Variants in AUTS2 observed in about 807,000 individuals in gnomAD.
AUTS2 encodes autism susceptibility gene 2 protein.
In AUTS2, 17 loss-of-function variants were observed where a neutral mutation model predicts 112.4. The observed-to-expected ratio is 0.15, with a 90% CI of 0.10 to 0.23. AUTS2 has a LOEUF of 0.23. Among genes scored for constraint, AUTS2 ranks in the 10% least tolerant of loss-of-function variants. AUTS2 has a pLI of 1.00. For synonymous variants in AUTS2, 751 were observed against 702.7 expected (o/e 1.07, Z -1.09); for missense variants, 1,510 against 1,701.6 (o/e 0.89, Z 1.98).
At chr7:70,099,467 T>C (rs1470223657) in intron 2 of AUTS2, among the ~76,000 whole-genome samples, 37 of 152,074 alleles carry the variant, frequency 2.4e-4, no homozygotes, top group Non-Finnish European at 5.9e-5. Context: ...TGGGGGTCAT[T>C]TTTTTGGCTT....
At chr7:70,029,517 A>T (rs1800680132) in intron 2 of AUTS2, among the ~76,000 whole-genome samples, 1 of 152,148 alleles carries the variant, frequency 6.6e-6, no homozygotes, top group Non-Finnish European at 1.5e-5. Context: ...TATCCAAAAG[A>T]TGCTTCTGCT....
At chr7:70,571,374 GGAACTTGATA>G (rs1801931817) in intron 5 of AUTS2, among the ~76,000 whole-genome samples, 1 of 152,182 alleles carries the variant, frequency 6.6e-6, no homozygotes, top group African/African-American at 2.4e-5. Flanking sequence ...GCAAATGGAA[GGAACTTGATA>G]GATGTTAATT....
rs535565138 is a variant in AUTS2 at position 69,650,956 on chromosome 7, C to T, written c.309+50994C>T. Among the ~76,000 whole-genome samples the T allele has an allele frequency of 5.8e-4, 88 of 152,348 alleles. 1 individual carries two copies. Among genetic ancestry groups the T allele is most frequent in the Non-Finnish European group, 8.8e-4 (60 of 68,032 alleles). On this transcript the variant is annotated intron_variant, in intron 1 of 18. Coordinates refer to ENST00000342771, the MANE Select transcript of AUTS2 (RefSeq NM_015570.4). Reference sequence around the variant, plus strand: ...TGTGCTTTGAGGGCCCGGATCTGCTCTTCCTCATCTTTATATTCCCTGCCC... The same window carrying T: ...TGTGCTTTGAGGGCCCGGATCTGCTTTTCCTCATCTTTATATTCCCTGCCC...
At chr7:70,176,835 G>A (rs1465222572) in intron 4 of AUTS2, among the ~76,000 whole-genome samples, 1 of 152,104 alleles carries the variant, frequency 6.6e-6, no homozygotes, top group Non-Finnish European at 1.5e-5. Flanking sequence ...TTTTCTCTCT[G>A]AATCAAGCAG....
At chr7:69,790,385 C>T (rs144674865) in intron 1 of AUTS2, among the ~76,000 whole-genome samples, 219 of 152,040 alleles carry the variant, frequency 1.4e-3, no homozygotes, top group African/African-American at 5.2e-3. Context: ...TGGAGGATAA[C>T]GGAAAGGGTG....
At chr7:70,400,278 T>C (rs10950200) in intron 4 of AUTS2, among the ~76,000 whole-genome samples, 14,569 of 152,180 alleles carry the variant, frequency 0.096, 788 homozygotes, top group Middle Eastern at 0.18. Context: ...AAGGAATAAG[T>C]GATAGAACAT....
chr7:69,962,085 G>A (rs891229076), intron 2 of AUTS2, among the ~76,000 whole-genome samples: 8 of 152,150 alleles, frequency 5.3e-5, no homozygotes, highest in African/African-American at 1.2e-4. Flanking sequence ...GGACACTGTA[G>A]AGAGGGGAAG....
At chr7:70,506,966 C>T (rs936376480) in intron 5 of AUTS2, among the ~76,000 whole-genome samples, 2 of 152,196 alleles carry the variant, frequency 1.3e-5, no homozygotes, top group Non-Finnish European at 2.9e-5. Flanking sequence ...GCTGTCCCAG[C>T]GCAGAGAGCT....
At chr7:70,674,819 T>C (rs1003677233) in intron 5 of AUTS2, among the ~76,000 whole-genome samples, 2 of 152,194 alleles carry the variant, frequency 1.3e-5, no homozygotes, top group Admixed American at 6.5e-5. Context: ...CCACAATGGA[T>C]TTCAGTGAGA....
intron 5 of AUTS2, among the ~76,000 whole-genome samples, chr7:70,472,959 G>C (rs879907466): frequency 6.6e-6 from 1 of 152,176 alleles, no homozygotes; most frequent in South Asian, 2.1e-4. Flanking sequence ...AGTAAACTTC[G>C]TTGGCTACAA....
intron 5 of AUTS2, among the ~76,000 whole-genome samples, chr7:70,502,629 A>G (rs1373255560): frequency 6.6e-6 from 1 of 152,196 alleles, no homozygotes; most frequent in East Asian, 1.9e-4. Flanking sequence ...TCCAGAGGTC[A>G]TGACTCCCAA....
chr7:69,895,529 T>C (rs1357159789), intron 1 of AUTS2, among the ~76,000 whole-genome samples: 1 of 148,806 alleles, frequency 6.7e-6, no homozygotes. Flanking sequence ...ACTTTGATCC[T>C]CTCTCTCTCT....
At chr7:70,125,391 G>C (rs1401001644) in intron 3 of AUTS2, among the ~76,000 whole-genome samples, 1 of 151,968 alleles carries the variant, frequency 6.6e-6, no homozygotes, top group South Asian at 2.1e-4. Flanking sequence ...AATGCCTAAC[G>C]TCTTACAAGG....
At position 69,691,857 on chromosome 7, in the gene AUTS2, AT is replaced by A. The variant is rs1395391268; in HGVS notation, c.309+91904del. Among the ~76,000 whole-genome samples the A allele has an allele frequency of 4.6e-5, 7 of 151,556 alleles. No homozygotes were observed. The East Asian group carries it at 9.7e-4, about 21-fold the overall frequency. On this transcript the variant is annotated intron_variant, in intron 1 of 18. Coordinates refer to ENST00000342771, the MANE Select transcript of AUTS2 (RefSeq NM_015570.4). Reference sequence around the variant, plus strand: ...GTGTTTTTTCCTGTAGGGAGGATAGATTTTTTTTTGTCTCTTACAGGTAGCA... The same window carrying A: ...GTGTTTTTTCCTGTAGGGAGGATAGATTTTTTTTGTCTCTTACAGGTAGCA...
At chr7:69,948,265 G>A (rs1796893252) in intron 2 of AUTS2, among the ~76,000 whole-genome samples, 2 of 152,130 alleles carry the variant, frequency 1.3e-5, no homozygotes, top group African/African-American at 4.8e-5. Context: ...ACTTCACACA[G>A]TGAATTGCAA....
chr7:70,231,310 A>G (rs1377077657), intron 4 of AUTS2, among the ~76,000 whole-genome samples: 2 of 152,230 alleles, frequency 1.3e-5, no homozygotes, highest in Non-Finnish European at 2.9e-5. Context: ...ATCACCACCC[A>G]GATTAAGATA....
intron 4 of AUTS2, among the ~76,000 whole-genome samples, chr7:70,272,178 A>C (rs922228223): frequency 6.6e-6 from 1 of 152,054 alleles, no homozygotes; most frequent in African/African-American, 2.4e-5. Flanking sequence ...AAGAGATAAA[A>C]TGAATTTTAT....
chr7:70,062,582 A>G (rs1802304345), intron 2 of AUTS2, among the ~76,000 whole-genome samples: 1 of 152,056 alleles, frequency 6.6e-6, no homozygotes, highest in Admixed American at 6.5e-5. Flanking sequence ...ACAAGTTGCA[A>G]TTTGATATCC....
intron 1 of AUTS2, among the ~76,000 whole-genome samples, chr7:69,780,052 C>G (rs1473587766): frequency 2.0e-5 from 3 of 152,012 alleles, no homozygotes; most frequent in Non-Finnish European, 2.9e-5. Flanking sequence ...AGATGGGGGT[C>G]TTTCTATGTT....
Sources: gnomAD v4.1 joint callset for allele counts (sites outside exome capture counted in the v4.1 genomes callset) on GRCh38, gnomAD v4.1.1 for gene constraint, MANE v1.5 for transcripts, NCBI Gene and HGNC (gene_info 2026-07-23, HGNC 2026-07-21) for gene names.